Variants in APBB3 observed in about 807,000 individuals in gnomAD.
APBB3 encodes the protein amyloid beta precursor protein binding family B member 3.
APBB3 carries 50 observed loss-of-function variants against 61.5 expected under a neutral mutation model. The observed-to-expected ratio is 0.81, with a 90% CI of 0.65 to 1.03. APBB3 has a LOEUF of 1.03. Among genes scored for constraint, APBB3 ranks in the 50% least tolerant of loss-of-function variants. The probability of loss-of-function intolerance (pLI) is 0.00; values close to 1 mark genes in which losing one functional copy is unlikely to be tolerated. For missense variants in APBB3, 550 were observed against 637.4 expected (o/e 0.86, Z 1.48); for synonymous variants, 235 against 233.0 (o/e 1.01, Z -0.08).
rs1181119897 is a variant in APBB3 at position 140,563,820 on chromosome 5, C to T, written c.145G>A (p.Val49Ile). The stretch of plus-strand genomic sequence containing the variant: ...TGCCACTGGGTGCTACCGCTGGGTA[C>T]ATGCCAGTAGTAAGTACCTGCAGCA... ...HDAAGTYYWH[V>I]PSGSTQWQRP... Residue 49 changes from valine to isoleucine, a missense_variant, in exon 2 of 13, where the codon GTA becomes ATA. Physicochemically the swap from Val to Ile is conservative, Grantham distance 29 (BLOSUM62 3). Transcript: ENST00000357560. 1 of 1,614,084 alleles carries T rather than the reference C, an allele frequency of 6.2e-7. No individual in the cohort carries two copies. Among genetic ancestry groups the T allele is most frequent in the Non-Finnish European group, 8.5e-7 (1 of 1,180,044 alleles).
At position 140,563,641 on chromosome 5, in the gene APBB3, G is replaced by C. The variant is rs993479360; in HGVS notation, c.243C>G (p.Pro81=). The change falls in exon 3 of 13, where the codon CCC becomes CCG. Residue 81 remains proline (P), a synonymous_variant. Transcript: ENST00000357560. ...TGTEGIWGLR[P]PKGRSFSSLE... ...GGCTGGAGAAGGATCTCCCTTTGGGGGGCCGCAGTCCCCAGATCCCCTCCG... is the reference window on the plus strand; with the variant it reads ...GGCTGGAGAAGGATCTCCCTTTGGGCGGCCGCAGTCCCCAGATCCCCTCCG... 6.2e-7 allele frequency: 1 copy of C among 1,614,070 alleles called. No homozygotes were observed. The highest frequency in any genetic ancestry group is 8.5e-7 in the Non-Finnish European group (1 of 1,180,044).
At position 140,560,870 on chromosome 5, in the gene APBB3, G is replaced by C; in HGVS notation, c.917-116C>G. The C allele has an allele frequency of 1.5e-6, 2 of 1,377,060 alleles. No homozygotes were observed. The highest frequency in any genetic ancestry group is 2.0e-6 in the Non-Finnish European group (2 of 984,946). 85.3% of individuals were successfully genotyped at this position (1,377,060 alleles called of 1,614,324 possible). On this transcript the variant is annotated intron_variant, in intron 10 of 12. Coordinates refer to ENST00000357560, the MANE Select transcript of APBB3 (RefSeq NM_133173.3). The surrounding 1 kb of genome is among the most constrained non-coding windows in gnomAD (Gnocchi z 5.1). The stretch of plus-strand genomic sequence containing the variant: ...ATAGGGAATAGGATAGCTGGGGCAA[G>C]CCTTAGAATTCTGATTTGGGAAGGC...
At chr5:140,563,443 T>C (rs571006687) in intron 3 of APBB3, 151 bp downstream of exon 3, 2 of 805,768 alleles carry the variant, frequency 2.5e-6, no homozygotes, top group South Asian at 1.5e-5. Flanking sequence ...ATACTGACAG[T>C]TAAGAACCTG....
At position 140,564,335 on chromosome 5, in the gene APBB3, TC is replaced by T; in HGVS notation, c.-91del. The T allele has an allele frequency of 3.3e-6, 5 of 1,513,138 alleles. No individual in the cohort carries two copies. Among genetic ancestry groups the T allele is most frequent in the Non-Finnish European group, 4.5e-6 (5 of 1,109,076 alleles). The allele number at this position is 1,513,138 out of a possible 1,614,324, so 93.7% of individuals were successfully genotyped here. A position where few individuals can be genotyped will look rare whatever the true frequency, so the allele number is the denominator to read the frequency against. ...CTACTGCGCCTGCAAGCCCAGCCTC[TC>T]TGCGCCGCAGGCTGCGGGGCCAGCT... On this transcript the variant is annotated 5_prime_UTR_variant, in exon 1 of 13. Coordinates refer to ENST00000357560, the MANE Select transcript of APBB3 (RefSeq NM_133173.3). This position sits in a 1 kb window ranked among gnomAD's most constrained non-coding sequence, Gnocchi z 5.0.
chr5:140,559,843 C>T (rs574590325), intron 12 of APBB3, among the ~76,000 whole-genome samples: 3 of 152,388 alleles, frequency 2.0e-5, no homozygotes, highest in South Asian at 2.1e-4. Context: ...GTGCCCTCTA[C>T]AGCACTAAAT....
At chr5:140,563,168 C>T (rs1306649416) in intron 3 of APBB3, among the ~76,000 whole-genome samples, 1 of 152,240 alleles carries the variant, frequency 6.6e-6, no homozygotes, top group Admixed American at 6.5e-5. Context: ...TGACTTGAAC[C>T]TGGGAGGCGG....
At position 140,564,281 on chromosome 5, in the gene APBB3, G is replaced by A. The variant is rs781407065; in HGVS notation, c.-36C>T. 6 of 1,602,880 alleles carry A rather than the reference G, an allele frequency of 3.7e-6. No homozygotes were observed. The Admixed American group carries it at 8.3e-5, about 22-fold the overall frequency. On this transcript the variant is annotated 5_prime_UTR_variant, in exon 1 of 13. Coordinates refer to ENST00000357560, the MANE Select transcript of APBB3 (RefSeq NM_133173.3). This position sits in a 1 kb window ranked among gnomAD's most constrained non-coding sequence, Gnocchi z 5.0. ...GCTCCCCGCCAGCCTCTGCCGGCCCGCACTCTCAGCCCAGCGCGACCTCTG... is the reference window on the plus strand; with the variant it reads ...GCTCCCCGCCAGCCTCTGCCGGCCCACACTCTCAGCCCAGCGCGACCTCTG...
At chr5:140,563,384 A>G in intron 3 of APBB3, 1 of 644,238 alleles carries the variant, frequency 1.6e-6, no homozygotes, top group East Asian at 2.8e-5. Context: ...AAGAATATGA[A>G]AAACATGTAG....
At position 140,558,664 on chromosome 5, in the gene APBB3, C is replaced by T. The variant is rs761829691; in HGVS notation, c.1382G>A (p.Gly461Glu). The T allele has an allele frequency of 1.9e-6, 3 of 1,613,864 alleles. No individual in the cohort carries two copies. ...GACACCCCGCTTTCGAGGGGTTGCCCCTGCACCGCCAACCCCTCCTTTGAG... is the reference window on the plus strand; with the variant it reads ...GACACCCCGCTTTCGAGGGGTTGCCTCTGCACCGCCAACCCCTCCTTTGAG... ...PLLKGGVGGA[G>E]ATPRKRGVFS... The change falls in exon 13 of 13, where the codon GGG becomes GAG. Residue 461 changes from glycine to glutamate, a missense_variant. By Grantham distance (98) the Gly-to-Glu change is moderately conservative. Coordinates refer to ENST00000357560, the MANE Select transcript of APBB3 (RefSeq NM_133173.3).
intron 12 of APBB3, among the ~76,000 whole-genome samples, chr5:140,559,567 T>C (rs1278147391): frequency 6.6e-6 from 1 of 152,194 alleles, no homozygotes; most frequent in Non-Finnish European, 1.5e-5. Flanking sequence ...TACGTCCCCC[T>C]TGCATGCCAG....
intron 3 of APBB3, 126 bp from the exon 4 acceptor site, chr5:140,562,849 C>T (rs1287835011): frequency 3.4e-6 from 3 of 873,942 alleles, no homozygotes; most frequent in Non-Finnish European, 5.4e-6. Context: ...AAATATAAAA[C>T]CAGAGCAGGG....
chr5:140,561,826 T>G lies in APBB3; in HGVS notation c.632+18A>C, dbSNP rs1437386126. 3.1e-6 allele frequency: 5 copies of G among 1,613,682 alleles called. No individual in the cohort carries two copies. The highest frequency in any genetic ancestry group is 1.7e-6 in the Non-Finnish European group (2 of 1,180,002). On this transcript the variant is annotated intron_variant, in intron 7 of 12. Coordinates refer to ENST00000357560, the MANE Select transcript of APBB3 (RefSeq NM_133173.3). ...GGGACATCAGGGATGGGGCTCAGGA[T>G]ACCTGGTTTTCACTCACCTGTCACT...
chr5:140,560,282 T>TTCC lies in APBB3; in HGVS notation c.1224+30_1224+31insGGA. 9 of 1,596,676 alleles carry TTCC rather than the reference T, an allele frequency of 5.6e-6. No individual in the cohort carries two copies. The African/African-American group carries it at 1.1e-4, about 19-fold the overall frequency. ...ACAGTGGAGAGCAGCTGCAGGGCAA[T>TTCC]CCCACCAACCCATTCCCACCCATGA... On this transcript the variant is annotated intron_variant, in intron 12 of 12. Transcript: ENST00000357560. The surrounding 1 kb of genome is among the most constrained non-coding windows in gnomAD (Gnocchi z 5.1).
Position 140,564,120 on chromosome 5 carries a change from G to C in APBB3, c.49+77C>G. The C allele has an allele frequency of 1.9e-6, 3 of 1,597,122 alleles. No individual in the cohort carries two copies. Among genetic ancestry groups the C allele is most frequent in the Non-Finnish European group, 2.6e-6 (3 of 1,167,748 alleles). ...CAGAGAGGTATCCCCCACCGTCTTT[G>C]AGCCCCAGAGTAGCCTTTCGGATTC... On this transcript the variant is annotated intron_variant, in intron 1 of 12. Coordinates refer to ENST00000357560, the MANE Select transcript of APBB3 (RefSeq NM_133173.3). This position sits in a 1 kb window ranked among gnomAD's most constrained non-coding sequence, Gnocchi z 5.0.
At position 140,560,253 on chromosome 5, in the gene APBB3, G is replaced by GCCA. The variant is rs1754884192; in HGVS notation, c.1224+59_1224+60insTGG. On this transcript the variant is annotated intron_variant, in intron 12 of 12. Coordinates refer to ENST00000357560, the MANE Select transcript of APBB3 (RefSeq NM_133173.3). This position sits in a 1 kb window ranked among gnomAD's most constrained non-coding sequence, Gnocchi z 5.1. Reference sequence around the variant, plus strand: ...AAGAGGCTGCCGACCCGGAGCCCAAGTAAACAGTGGAGAGCAGCTGCAGGG... The same window carrying GCCA: ...AAGAGGCTGCCGACCCGGAGCCCAAGCCATAAACAGTGGAGAGCAGCTGCAGGG... 1 of 1,558,818 alleles carries GCCA rather than the reference G, an allele frequency of 6.4e-7. No homozygotes were observed. The highest frequency in any genetic ancestry group is 1.4e-5 in the African/African-American group (1 of 73,800).
Position 140,564,343 on chromosome 5 carries a change from G to A in APBB3, c.-98C>T, listed in dbSNP as rs1355541971. 6 of 1,469,334 alleles carry A rather than the reference G, an allele frequency of 4.1e-6. No individual in the cohort carries two copies. The highest frequency in any genetic ancestry group is 1.2e-5 in the South Asian group (1 of 86,056). The allele number at this position is 1,469,334 out of a possible 1,614,324, so 91.0% of individuals were successfully genotyped here. On this transcript the variant is annotated 5_prime_UTR_variant, in exon 1 of 13. Transcript: ENST00000357560. This position sits in a 1 kb window ranked among gnomAD's most constrained non-coding sequence, Gnocchi z 5.0. Reference sequence around the variant, plus strand: ...CCTGCAAGCCCAGCCTCTCTGCGCCGCAGGCTGCGGGGCCAGCTGGCGCCG... The same window carrying A: ...CCTGCAAGCCCAGCCTCTCTGCGCCACAGGCTGCGGGGCCAGCTGGCGCCG...
chr5:140,564,223 A>T lies in APBB3; in HGVS notation c.23T>A (p.Leu8Gln). The change falls in exon 1 of 13, where the codon CTG becomes CAG. Residue 8 changes from leucine to glutamine, a missense_variant. Around this residue, in one of 3 missense-constraint regions of APBB3, gnomAD observed 405 missense variants for 483.4 expected, o/e 0.84. Transcript: ENST00000357560. This position sits in a 1 kb window ranked among gnomAD's most constrained non-coding sequence, Gnocchi z 5.0. Reference sequence around the variant, plus strand: ...ATCGCAGTTGACCAGAATGATGGCCAGCATGTAATCCTTGCCCAGCATAAC... The same window carrying T: ...ATCGCAGTTGACCAGAATGATGGCCTGCATGTAATCCTTGCCCAGCATAAC... MLGKDYM[L>Q]AIILVNCDDD... The T allele has an allele frequency of 6.2e-7, 1 of 1,613,508 alleles. No individual in the cohort carries two copies. The highest frequency in any genetic ancestry group is 8.5e-7 in the Non-Finnish European group (1 of 1,180,034).
rs749887333 is a variant in APBB3 at position 140,560,557 on chromosome 5, T to C, written c.1033-53A>G. The C allele has an allele frequency of 6.2e-5, 99 of 1,605,870 alleles. No individual in the cohort carries two copies. The highest frequency in any genetic ancestry group is 1.7e-4 in the Middle Eastern group (1 of 6,058). On this transcript the variant is annotated intron_variant, in intron 11 of 12. Transcript: ENST00000357560. This position sits in a 1 kb window ranked among gnomAD's most constrained non-coding sequence, Gnocchi z 5.1. ...GGGCCAAGCACGGGCCAGACCCACTTAACTTTTCCGACAGCAAGCAGTGAC... is the reference window on the plus strand; with the variant it reads ...GGGCCAAGCACGGGCCAGACCCACTCAACTTTTCCGACAGCAAGCAGTGAC...
At position 140,559,066 on chromosome 5, in the gene APBB3, G is replaced by A. The variant is rs111959379; in HGVS notation, c.1225-245C>T. On this transcript the variant is annotated intron_variant, in intron 12 of 12. Coordinates refer to ENST00000357560, the MANE Select transcript of APBB3 (RefSeq NM_133173.3). ...TGTATAATTCAGTTATTTATGAGGG[G>A]TTATTATCCCTGTTTTGCAAAAGAG... Among the ~76,000 whole-genome samples the A allele has an allele frequency of 4.6e-3, 697 of 152,272 alleles. 3 individuals are homozygous for A. Among genetic ancestry groups the A allele is most frequent in the African/African-American group, 0.016 (659 of 41,522 alleles).
Sources: gnomAD v4.1 joint callset for allele counts (sites outside exome capture counted in the v4.1 genomes callset) on GRCh38, gnomAD v4.1.1 for gene constraint, gnomAD v4.1.1 regional missense constraint, Gnocchi (gnomAD v3.1) non-coding constraint, MANE v1.5 for transcripts, NCBI Gene and HGNC (gene_info 2026-07-23, HGNC 2026-07-21) for gene names.